Variants in NHLRC2 observed in about 807,000 individuals in gnomAD.
NHLRC2 encodes NHL repeat-containing protein 2.
A neutral mutation model predicts 68.1 loss-of-function variants in NHLRC2; 33 were observed. That is an observed-to-expected ratio of 0.48 (90% CI 0.37 to 0.65). The LOEUF is 0.65. Ranked by LOEUF, NHLRC2 falls within the 30% of genes least tolerant of loss-of-function variation. The pLI is 0.00. For synonymous variants in NHLRC2, 311 were observed against 309.6 expected, an observed-to-expected ratio of 1.00 and a Z score of -0.05; for missense variants, 761 against 853.8, an observed-to-expected ratio of 0.89 and a Z score of 1.35.
intron 5 of NHLRC2, among the ~76,000 whole-genome samples, chr10:113,895,017 T>C (rs1448904941): frequency 1.3e-5 from 2 of 152,200 alleles, no homozygotes; most frequent in African/African-American, 4.8e-5. Context: ...ATTATGTAAG[T>C]GATCTGGCAT....
chr10:113,895,806 T>A (rs1564857431), intron 5 of NHLRC2, among the ~76,000 whole-genome samples: 1 of 152,220 alleles, frequency 6.6e-6, no homozygotes, highest in Non-Finnish European at 1.5e-5. Flanking sequence ...GGTGAAGGAA[T>A]GCTTTCAGGA....
chr10:113,871,904 C>A (rs1845929364), intron 2 of NHLRC2, among the ~76,000 whole-genome samples: 1 of 152,074 alleles, frequency 6.6e-6, no homozygotes, highest in African/African-American at 2.4e-5. Context: ...AACTAAATTC[C>A]CATAAAGGTT....
In NHLRC2 at chr10:113,854,976, A is replaced by G; in HGVS notation, c.104A>G (p.Asp35Gly). The change falls in exon 1 of 11, where the codon GAC (aspartate) becomes GGC (glycine). Residue 35 changes from aspartate (D) to glycine (G), a missense_variant. Asp to Gly is a moderately conservative substitution (Grantham distance 94). Transcript: ENST00000369301. ...LLDAVTQQEK[D>G]SLVYQYLQKV... ...GACGCCGTTACCCAGCAGGAGAAGG[A>G]CAGCCTGGTCTACCAGTATCTGCAG... 2 of 1,553,630 alleles carry G rather than the reference A, an allele frequency of 1.3e-6. No homozygotes were observed. The highest frequency in any genetic ancestry group is 2.4e-5 in the South Asian group (2 of 84,170).
rs1306520844 is a variant in NHLRC2, at chr10:113,910,066, AT to A, written c.*1532del. 6.6e-6 allele frequency: 1 copy of A among 152,218 alleles called. No individual in the cohort carries two copies. The highest frequency in any genetic ancestry group is 2.4e-5 in the African/African-American group (1 of 41,452). 9.4% of individuals were successfully genotyped at this position (152,218 alleles called of 1,614,324 possible). A position where few individuals can be genotyped will look rare whatever the true frequency, so the allele number is the denominator to read the frequency against. ...TTTTAAAGAGAAATATAGATATAAAATTAAAAGGAATCCTGTTTAAAATTAT... is the reference window on the plus strand; with the variant it reads ...TTTTAAAGAGAAATATAGATATAAAATAAAAGGAATCCTGTTTAAAATTAT... On this transcript the variant is annotated 3_prime_UTR_variant, in exon 11 of 11. Transcript: ENST00000369301.
In NHLRC2 at chr10:113,898,096, T is replaced by C. The variant is rs199504264; in HGVS notation, c.1040-14T>C. ...CAGATATGTATATAATAATAATGAT[T>C]TATTTTTATAAAGGTTCAGAGGTCC... On this transcript the variant is annotated splice_polypyrimidine_tract_variant and intron_variant, in intron 5 of 10. Coordinates refer to ENST00000369301, the MANE Select transcript of NHLRC2 (RefSeq NM_198514.4). 2.7e-5 allele frequency: 41 copies of C among 1,534,366 alleles called. No homozygotes were observed. Among genetic ancestry groups the C allele is most frequent in the African/African-American group, 8.2e-5 (6 of 72,914 alleles).
At chr10:113,884,925 T>C (rs983204057) in intron 5 of NHLRC2, among the ~76,000 whole-genome samples, 8 of 151,802 alleles carry the variant, frequency 5.3e-5, no homozygotes, top group Non-Finnish European at 1.2e-4. Flanking sequence ...CTTAATGTTA[T>C]CTTTATTATC....
At chr10:113,875,533 G>A (rs370637231) in intron 2 of NHLRC2, among the ~76,000 whole-genome samples, 16 of 152,232 alleles carry the variant, frequency 1.1e-4, no homozygotes, top group African/African-American at 3.6e-4. Context: ...CCCACTCTCA[G>A]GACAAAGCTA....
intron 3 of NHLRC2, among the ~76,000 whole-genome samples, chr10:113,877,356 T>C (rs1006131595): frequency 1.1e-4 from 17 of 152,078 alleles, no homozygotes; most frequent in African/African-American, 3.6e-4. Context: ...CAACAAAATA[T>C]AGCCGTATCT....
At chr10:113,867,005 A>G (rs1845873812) in intron 2 of NHLRC2, among the ~76,000 whole-genome samples, 1 of 152,182 alleles carries the variant, frequency 6.6e-6, no homozygotes, top group African/African-American at 2.4e-5. Flanking sequence ...TGCCAACCAG[A>G]GAAGCTTAGA....
chr10:113,880,452 G>T (rs1482649183), intron 4 of NHLRC2, among the ~76,000 whole-genome samples: 1 of 151,492 alleles, frequency 6.6e-6, no homozygotes, highest in Non-Finnish European at 1.5e-5. Flanking sequence ...TCCTCCTGAT[G>T]GTTGTTTTGG....
At chr10:113,858,857 T>C in intron 2 of NHLRC2, 177 bp downstream of exon 2, 1 of 429,152 alleles carries the variant, frequency 2.3e-6, no homozygotes. Context: ...TTAAGCTTAG[T>C]GATAGTGGTT....
chr10:113,905,056 A>C lies in NHLRC2; in HGVS notation c.1924+20A>C. Reference sequence around the variant, plus strand: ...CTGAAGGTATGAGTATAAGCTTGCAAATACTAATACATCATATATTCTTGA... The same window carrying C: ...CTGAAGGTATGAGTATAAGCTTGCACATACTAATACATCATATATTCTTGA... On this transcript the variant is annotated intron_variant, in intron 10 of 10. Transcript: ENST00000369301. The C allele has an allele frequency of 8.7e-7, 1 of 1,153,384 alleles. No homozygotes were observed. Among genetic ancestry groups the C allele is most frequent in the Non-Finnish European group, 1.2e-6 (1 of 812,612 alleles). 71.4% of individuals were successfully genotyped at this position (1,153,384 alleles called of 1,614,324 possible).
At chr10:113,889,147 AG>A (rs1386208914) in intron 5 of NHLRC2, among the ~76,000 whole-genome samples, 1 of 152,126 alleles carries the variant, frequency 6.6e-6, no homozygotes, top group Non-Finnish European at 1.5e-5. Flanking sequence ...TCAGTATCTA[AG>A]TACTTTAAGA....
intron 2 of NHLRC2, among the ~76,000 whole-genome samples, chr10:113,871,964 A>G (rs942615943): frequency 2.6e-5 from 4 of 152,152 alleles, no homozygotes; most frequent in Non-Finnish European, 4.4e-5. Context: ...GGGAGACTTA[A>G]AAGACTCCAT....
intron 2 of NHLRC2, among the ~76,000 whole-genome samples, chr10:113,860,620 G>C (rs574476624): frequency 1.3e-5 from 2 of 152,022 alleles, no homozygotes; most frequent in African/African-American, 4.8e-5. Flanking sequence ...ATGAGACAAA[G>C]ACTTTAAAAC....
In NHLRC2 at chr10:113,876,430, T is replaced by C; in HGVS notation, c.332-91T>C. 3 of 718,998 alleles carry C rather than the reference T, an allele frequency of 4.2e-6. No homozygotes were observed. The South Asian group carries it at 7.1e-5, about 17-fold the overall frequency. The allele number at this position is 718,998 out of a possible 1,614,324, so 44.5% of individuals were successfully genotyped here. A position where few individuals can be genotyped will look rare whatever the true frequency, so the allele number is the denominator to read the frequency against. On this transcript the variant is annotated intron_variant, in intron 2 of 10. Transcript: ENST00000369301. ...TCGTTTTTTTTTAATCTATGGACTT[T>C]TAATATTTGTGATCCAAAACCTAAT... is the stretch of plus-strand genomic sequence containing the variant.
rs900384890 is a variant in NHLRC2 at position 113,854,950 on chromosome 10, C to T, written c.78C>T (p.Leu26=). Residue 26 remains leucine (L), a synonymous_variant, in exon 1 of 11, where the codon CTC becomes CTT. Coordinates refer to ENST00000369301, the MANE Select transcript of NHLRC2 (RefSeq NM_198514.4). ...AGACCTCGCTAGAGTACGCCCTGCT[C>T]GACGCCGTTACCCAGCAGGAGAAGG... ...PAQTSLEYAL[L]DAVTQQEKDS... is the part of the protein sequence containing the mutation. The T allele has an allele frequency of 6.4e-7, 1 of 1,554,886 alleles. No homozygotes were observed. Among genetic ancestry groups the T allele is most frequent in the South Asian group, 1.2e-5 (1 of 84,250 alleles).
At chr10:113,857,115 A>G (rs1306535575) in intron 1 of NHLRC2, among the ~76,000 whole-genome samples, 4 of 152,210 alleles carry the variant, frequency 2.6e-5, no homozygotes, top group Non-Finnish European at 5.9e-5. Flanking sequence ...ACTAAATGTT[A>G]GCAGCTTTTT....
chr10:113,906,169 TCA>T (rs1846273372), intron 10 of NHLRC2, among the ~76,000 whole-genome samples: 1 of 152,216 alleles, frequency 6.6e-6, no homozygotes, highest in Non-Finnish European at 1.5e-5. Context: ...TTAAATGGTG[TCA>T]CTGTAGGAGC....
Sources: gnomAD v4.1 joint callset for allele counts (sites outside exome capture counted in the v4.1 genomes callset) on GRCh38, gnomAD v4.1.1 for gene constraint, MANE v1.5 for transcripts, NCBI Gene and HGNC (gene_info 2026-07-23, HGNC 2026-07-21) for gene names.